The following METTL9 variants were observed in gnomAD, a reference collection of about 807,000 sequenced individuals.
METTL9 encodes protein-L-histidine N-pros-methyltransferase.
A neutral mutation model predicts 36.0 loss-of-function variants in METTL9; 10 were observed. The observed-to-expected ratio is 0.28, with a 90% CI of 0.17 to 0.47. The LOEUF (loss-of-function observed/expected upper bound fraction) is 0.47. Ranked by LOEUF, METTL9 falls within the 20% of genes least tolerant of loss-of-function variation. The pLI, the probability that METTL9 is intolerant of heterozygous loss-of-function variation, is 0.99. For missense variants in METTL9, 246 were observed against 383.5 expected (o/e 0.64, Z 3.00); for synonymous variants, 175 against 149.7 (o/e 1.17, Z -1.23).
At chr16:21,650,444 G>T (rs889245528) in intron 4 of METTL9, among the ~76,000 whole-genome samples, 2 of 149,018 alleles carry the variant, frequency 1.3e-5, no homozygotes, top group African/African-American at 4.9e-5. Flanking sequence ...GGAGGTGGAG[G>T]TTGCAGTGAG....
At position 21,655,092 on chromosome 16, in the gene METTL9, G is replaced by A. The variant is rs1017538172; in HGVS notation, c.752-135G>A. The A allele has an allele frequency of 5.5e-6, 4 of 721,424 alleles. No homozygotes were observed. In the South Asian group the frequency reaches 5.7e-5, roughly 10 times the overall value. 44.7% of individuals were successfully genotyped at this position (721,424 alleles called of 1,614,324 possible). On this transcript the variant is annotated intron_variant, in intron 4 of 4. Coordinates refer to ENST00000358154, the MANE Select transcript of METTL9 (RefSeq NM_016025.5). Reference sequence around the variant, plus strand: ...ACCTGTCTCAAAGAGTACCTGGGAAGTACAAAAGAGGTAACTCATGAAGCC... The same window carrying A: ...ACCTGTCTCAAAGAGTACCTGGGAAATACAAAAGAGGTAACTCATGAAGCC...
At chr16:21,644,113 G>A (rs1439772269) in intron 4 of METTL9, among the ~76,000 whole-genome samples, 2 of 152,212 alleles carry the variant, frequency 1.3e-5, no homozygotes, top group Non-Finnish European at 2.9e-5. Context: ...TGATGAGAAT[G>A]TATGATGCCT....
At chr16:21,631,612 C>G (rs567965780) in intron 4 of METTL9, among the ~76,000 whole-genome samples, 7 of 152,300 alleles carry the variant, frequency 4.6e-5, no homozygotes, top group Middle Eastern at 3.4e-3. Context: ...AACCATCTAT[C>G]GTCCTGTCCT....
chr16:21,634,897 C>T (rs572442212), intron 4 of METTL9, among the ~76,000 whole-genome samples: 1 of 152,276 alleles, frequency 6.6e-6, no homozygotes. Flanking sequence ...CCTTCTAGAA[C>T]ACAGGTCAAC....
chr16:21,608,711 T>C (rs570854682), intron 1 of METTL9, among the ~76,000 whole-genome samples: 1 of 152,280 alleles, frequency 6.6e-6, no homozygotes, highest in East Asian at 1.9e-4. Flanking sequence ...CATCCTACAA[T>C]GTGCAGGTCA....
At chr16:21,607,465 G>T (rs1411914328) in intron 1 of METTL9, among the ~76,000 whole-genome samples, 1 of 152,204 alleles carries the variant, frequency 6.6e-6, no homozygotes, top group African/African-American at 2.4e-5. Context: ...GCAGCCACCT[G>T]ATTTGGCTGT....
chr16:21,603,247 C>G (rs1319826250), intron 1 of METTL9, among the ~76,000 whole-genome samples: 1 of 151,782 alleles, frequency 6.6e-6, no homozygotes, highest in Non-Finnish European at 1.5e-5. Context: ...TCAAGCGGTT[C>G]TCATGCCTCA....
intron 4 of METTL9, among the ~76,000 whole-genome samples, chr16:21,647,969 A>T (rs1167823968): frequency 2.0e-5 from 3 of 152,194 alleles, no homozygotes; most frequent in South Asian, 2.1e-4. Context: ...AGCAGCAGCG[A>T]TGTTTGTGCT....
At chr16:21,641,933 A>T (rs1182509019) in intron 4 of METTL9, 1 of 176,802 alleles carries the variant, frequency 5.7e-6, no homozygotes, top group East Asian at 1.5e-4. Flanking sequence ...ATTACTCAGC[A>T]TGGCATCTTA....
At chr16:21,647,105 G>A (rs1196551397) in intron 4 of METTL9, 1 of 1,613,872 alleles carries the variant, frequency 6.2e-7, no homozygotes, top group African/African-American at 1.3e-5. Context: ...ATGCAATGAT[G>A]CACTGAAATA....
At chr16:21,598,616 TAGC>T (rs1384899657), upstream of METTL9, among the ~76,000 whole-genome samples, 1 of 152,132 alleles carries the variant, frequency 6.6e-6, no homozygotes, top group Non-Finnish European at 1.5e-5. Context: ...GCTTGGATAA[TAGC>T]AGGAAGAACT....
At chr16:21,634,948 C>A (rs1966049933) in intron 4 of METTL9, among the ~76,000 whole-genome samples, 1 of 152,182 alleles carries the variant, frequency 6.6e-6, no homozygotes, top group Non-Finnish European at 1.5e-5. Flanking sequence ...GCATCAAGGT[C>A]CCAGTGGGGA....
At chr16:21,634,227 T>C (rs1397651528) in intron 4 of METTL9, among the ~76,000 whole-genome samples, 3 of 152,116 alleles carry the variant, frequency 2.0e-5, no homozygotes, top group Non-Finnish European at 4.4e-5. Flanking sequence ...CATGAGGAAG[T>C]CAATCCTGGC....
chr16:21,602,798 C>T (rs891484208), intron 1 of METTL9, among the ~76,000 whole-genome samples: 1 of 151,980 alleles, frequency 6.6e-6, no homozygotes, highest in Non-Finnish European at 1.5e-5. Flanking sequence ...GCTGGGATTA[C>T]AGGTGAACAC....
intron 2 of METTL9, among the ~76,000 whole-genome samples, chr16:21,615,972 G>T (rs1266607829): frequency 6.6e-6 from 1 of 152,160 alleles, no homozygotes; most frequent in Non-Finnish European, 1.5e-5. Flanking sequence ...CAAATTTTTA[G>T]CATTTCTATG....
chr16:21,607,160 T>C (rs1254620155), intron 1 of METTL9, among the ~76,000 whole-genome samples: 2 of 152,018 alleles, frequency 1.3e-5, no homozygotes, highest in Non-Finnish European at 1.5e-5. Context: ...CTACAACCTC[T>C]GCCTCTCTGG....
chr16:21,620,311 A>G (rs1259859647), intron 3 of METTL9, among the ~76,000 whole-genome samples: 1 of 152,206 alleles, frequency 6.6e-6, no homozygotes, highest in African/African-American at 2.4e-5. Flanking sequence ...GTGGGTCTGC[A>G]TGGTGATAAT....
At chr16:21,645,900 T>C (rs923480657) in intron 4 of METTL9, among the ~76,000 whole-genome samples, 2 of 152,204 alleles carry the variant, frequency 1.3e-5, no homozygotes, top group African/African-American at 4.8e-5. Flanking sequence ...TAAACTAAGG[T>C]TAAATGACAT....
chr16:21,598,303 C>T (rs865917564), upstream of METTL9, among the ~76,000 whole-genome samples: 3 of 146,628 alleles, frequency 2.0e-5, 1 homozygote, highest in Admixed American at 2.1e-4. Flanking sequence ...GAGCCGAGAT[C>T]GAGCCACTGC....
Sources: allele counts gnomAD v4.1 joint callset (sites outside exome capture counted in the v4.1 genomes callset), GRCh38; gene constraint gnomAD v4.1.1; transcripts MANE v1.5; gene names NCBI Gene and HGNC (gene_info 2026-07-23, HGNC 2026-07-21).